Variants in HDAC9 observed in about 807,000 individuals in gnomAD.
HDAC9 encodes MEF-2 interacting transcription repressor (MITR) protein.
In HDAC9, 41 loss-of-function variants were observed where a neutral mutation model predicts 139.4. The ratio of observed to expected loss-of-function variants is 0.29; its 90% CI spans 0.23 to 0.38. HDAC9 has a LOEUF of 0.38. Among genes scored for constraint, HDAC9 ranks in the 10% least tolerant of loss-of-function variants. HDAC9 has a pLI of 1.00. For missense variants in HDAC9, 1,147 were observed against 1,297.0 expected (o/e 0.88, Z 1.78); for synonymous variants, 517 against 476.2 (o/e 1.09, Z -1.12).
chr7:18,666,274 A>G lies in HDAC9; in HGVS notation c.1529A>G (p.Glu510Gly), dbSNP rs1267231099. Residue 510 changes from glutamate to glycine, a missense_variant, in exon 12 of 26, where the codon GAA becomes GGA. Coordinates refer to ENST00000686413, the MANE Select transcript of HDAC9 (RefSeq NM_178425.4). The part of the protein sequence containing the change: ...QPGSHLEEAE[E>G]ELQGDQAMQE... ...GGCAGTCACCTTGAGGAAGCAGAGGAAGAGCTTCAGGGGGACCAGGCGATG... is the reference window on the plus strand; with the variant it reads ...GGCAGTCACCTTGAGGAAGCAGAGGGAGAGCTTCAGGGGGACCAGGCGATG... The G allele has an allele frequency of 6.2e-7, 1 of 1,613,326 alleles. No individual in the cohort carries two copies. Among genetic ancestry groups the G allele is most frequent in the Non-Finnish European group, 8.5e-7 (1 of 1,179,570 alleles).
At chr7:18,096,881 C>T (rs2128065438) in intron 1 of HDAC9, among the ~76,000 whole-genome samples, 1 of 125,126 alleles carries the variant, frequency 8.0e-6, no homozygotes, top group African/African-American at 3.1e-5. Context: ...GACTTGTTGG[C>T]TTTGTGTGTG....
chr7:18,572,337 A>C (rs890909762), intron 2 of HDAC9, among the ~76,000 whole-genome samples: 5 of 150,760 alleles, frequency 3.3e-5, no homozygotes, highest in African/African-American at 1.2e-4. Flanking sequence ...CACAAATATG[A>C]CTATTTGTCA....
intron 1 of HDAC9, among the ~76,000 whole-genome samples, chr7:18,124,855 G>A (rs1190174504): frequency 6.6e-6 from 1 of 151,700 alleles, no homozygotes; most frequent in Non-Finnish European, 1.5e-5. Context: ...ATCCCAAAAG[G>A]AACAGATGAC....
At chr7:18,354,500 T>C (rs1190193645) in intron 1 of HDAC9, among the ~76,000 whole-genome samples, 1 of 152,172 alleles carries the variant, frequency 6.6e-6, no homozygotes, top group East Asian at 1.9e-4. Flanking sequence ...AGAGACTGTG[T>C]TTAGTGGAGG....
intron 2 of HDAC9, among the ~76,000 whole-genome samples, chr7:18,200,757 C>G (rs923960432): frequency 3.9e-5 from 6 of 152,116 alleles, no homozygotes; most frequent in African/African-American, 1.4e-4. Context: ...TCTCAGAGGT[C>G]TCTTTCACAG....
intron 16 of HDAC9, among the ~76,000 whole-genome samples, chr7:18,788,753 T>TA (rs5882674): frequency 0.69 from 93,448 of 135,668 alleles, 33,715 homozygotes; most frequent in Non-Finnish European, 0.82. Flanking sequence ...AGACTCTGTT[T>TA]AAAAAAAAAA....
chr7:18,625,218 T>C (rs1203009667), intron 6 of HDAC9, among the ~76,000 whole-genome samples: 1 of 152,166 alleles, frequency 6.6e-6, no homozygotes, highest in African/African-American at 2.4e-5. Flanking sequence ...ATTGAAACAT[T>C]TAATATATAC....
chr7:18,133,485 G>A (rs953147881), intron 1 of HDAC9, among the ~76,000 whole-genome samples: 1 of 152,120 alleles, frequency 6.6e-6, no homozygotes, highest in African/African-American at 2.4e-5. Flanking sequence ...AAGTCTGGTA[G>A]CTTTGGCATC....
In HDAC9 at chr7:18,495,976, C is replaced by T. The variant is rs2128139134; in HGVS notation, c.-89C>T. On this transcript the variant is annotated 5_prime_UTR_variant, in exon 1 of 26. Transcript: ENST00000686413. ...CTTGTAGTTTCCGGGATAACCTAAA[C>T]TCCAGAGAGCTATAGCATCCACTCT... 7.8e-7 allele frequency: 1 copy of T among 1,283,478 alleles called. No homozygotes were observed. Among genetic ancestry groups the T allele is most frequent in the East Asian group, 3.0e-5 (1 of 33,788 alleles). 79.5% of individuals were successfully genotyped at this position (1,283,478 alleles called of 1,614,324 possible).
At chr7:18,532,204 C>T (rs943638168) in intron 2 of HDAC9, among the ~76,000 whole-genome samples, 4 of 152,158 alleles carry the variant, frequency 2.6e-5, no homozygotes, top group African/African-American at 9.7e-5. Context: ...GAGCCCAGAT[C>T]ACACCACTGC....
chr7:18,480,197 A>G (rs1281289891), intron 1 of HDAC9, among the ~76,000 whole-genome samples: 1 of 152,152 alleles, frequency 6.6e-6, no homozygotes, highest in Non-Finnish European at 1.5e-5. Context: ...TGTATTAGAC[A>G]TTCTAGGTTT....
chr7:18,129,522 C>T (rs1453749244), intron 1 of HDAC9, among the ~76,000 whole-genome samples: 2 of 152,116 alleles, frequency 1.3e-5, no homozygotes, highest in African/African-American at 4.8e-5. Context: ...TTTTATTTTA[C>T]TTATGATTCT....
chr7:18,723,430 C>A (rs1785287453), intron 12 of HDAC9, among the ~76,000 whole-genome samples: 2 of 152,290 alleles, frequency 1.3e-5, no homozygotes, highest in East Asian at 3.9e-4. Flanking sequence ...ATCTCCTTTG[C>A]TGTCTGTACA....
At chr7:18,297,815 G>A (rs1798251186) in intron 1 of HDAC9, among the ~76,000 whole-genome samples, 2 of 152,070 alleles carry the variant, frequency 1.3e-5, no homozygotes, top group African/African-American at 2.4e-5. Flanking sequence ...AGTTTCTTTG[G>A]TCCTACATTT....
chr7:18,289,478 G>A (rs1321409074), upstream of HDAC9, among the ~76,000 whole-genome samples: 2 of 152,122 alleles, frequency 1.3e-5, no homozygotes, highest in Admixed American at 6.5e-5. Flanking sequence ...ATTACCACAT[G>A]TAAATATATT....
chr7:18,807,505 T>C (rs7804088), intron 17 of HDAC9, among the ~76,000 whole-genome samples: 3,154 of 152,202 alleles, frequency 0.021, 109 homozygotes, highest in African/African-American at 0.071. Flanking sequence ...TTCTTTTTTT[T>C]AGTTATTTGT....
At chr7:18,889,945 G>A (rs538784946) in intron 22 of HDAC9, among the ~76,000 whole-genome samples, 1 of 152,160 alleles carries the variant, frequency 6.6e-6, no homozygotes, top group Non-Finnish European at 1.5e-5. Flanking sequence ...GCTCAAGTGA[G>A]CCTCTTAGCC....
At chr7:18,721,411 CTT>C (rs936147052) in intron 12 of HDAC9, among the ~76,000 whole-genome samples, 7 of 151,670 alleles carry the variant, frequency 4.6e-5, no homozygotes, top group African/African-American at 1.7e-4. Flanking sequence ...TATTCTTTTG[CTT>C]TTTTTCACTC....
chr7:18,538,440 A>G (rs1195808889), intron 2 of HDAC9, among the ~76,000 whole-genome samples: 1 of 152,238 alleles, frequency 6.6e-6, no homozygotes, highest in East Asian at 1.9e-4. Context: ...ATGTTGTGGT[A>G]GATGAAAGGA....
Sources: allele counts gnomAD v4.1 joint callset (sites outside exome capture counted in the v4.1 genomes callset), GRCh38; gene constraint gnomAD v4.1.1; transcripts MANE v1.5; gene names NCBI Gene and HGNC (gene_info 2026-07-23, HGNC 2026-07-21).